The following PAH variants were observed in gnomAD, a reference collection of about 807,000 sequenced individuals.
The protein encoded by PAH is phenylalanine-4-hydroxylase.
Under a neutral mutation model 62.0 loss-of-function variants are expected in PAH, and 64 were observed. That is an observed-to-expected ratio of 1.03 (90% confidence interval 0.84 to 1.27). The LOEUF (loss-of-function observed/expected upper bound fraction) is 1.27, where lower values mean the gene tolerates loss of function less well. Among genes scored for constraint, PAH ranks in the 50% most tolerant of loss-of-function variants. PAH has a pLI of 0.00. For missense variants in PAH, 579 were observed against 542.8 expected (o/e 1.07, Z -0.66); for synonymous variants, 195 against 196.2 (o/e 0.99, Z 0.05).
At position 102,917,109 on chromosome 12, in the gene PAH, T is replaced by C. The variant is rs763623193; in HGVS notation, c.22A>G (p.Asn8Asp). The change falls in exon 1 of 13, where the codon AAC becomes GAC. Residue 8 changes from asparagine to aspartate, a missense_variant. Asn to Asp is a conservative substitution (Grantham distance 23). Coordinates refer to ENST00000553106, the MANE Select transcript of PAH (RefSeq NM_000277.3). Reference sequence around the variant, plus strand: ...GAGAGTTTCCTGCCCAAGCCTGGGTTTTCCAGGACCGCAGTGGACATGCTG... The same window carrying C: ...GAGAGTTTCCTGCCCAAGCCTGGGTCTTCCAGGACCGCAGTGGACATGCTG... MSTAVLENPGLGRKLSDF... is the reference protein window; with the variant it reads MSTAVLEDPGLGRKLSDF... The C allele has an allele frequency of 1.9e-6, 3 of 1,614,060 alleles. No homozygotes were observed. In the Admixed American group the frequency reaches 5.0e-5, roughly 27 times the overall value.
At chr12:102,888,173 C>G (rs1003081249) in intron 3 of PAH, among the ~76,000 whole-genome samples, 1 of 152,014 alleles carries the variant, frequency 6.6e-6, no homozygotes. Flanking sequence ...GCACTTTATG[C>G]AAATTATATC....
chr12:102,943,885 G>C (rs1323971059), intron 1 of PAH, among the ~76,000 whole-genome samples: 1 of 152,128 alleles, frequency 6.6e-6, no homozygotes, highest in Non-Finnish European at 1.5e-5. Flanking sequence ...CTTGAGGTTG[G>C]AGGGTGGGAG....
rs1876052456 is a variant in PAH at position 102,867,872 on chromosome 12, TA to T, written c.442-1210del. ...CTCTATGTATATACATATATAGATG[TA>T]TATATACATGTATATACATATATAG... On this transcript the variant is annotated intron_variant, in intron 4 of 12. Transcript: ENST00000553106. Among the ~76,000 whole-genome samples, 5 of 139,670 alleles carry T rather than the reference TA, an allele frequency of 3.6e-5. 1 individual carries two copies. In the South Asian group the frequency reaches 1.2e-3, roughly 33 times the overall value. 91.6% of individuals were successfully genotyped at this position (139,670 alleles called of 152,430 possible).
intron 3 of PAH, among the ~76,000 whole-genome samples, chr12:102,883,354 G>C (rs1049029293): frequency 6.6e-6 from 1 of 152,156 alleles, no homozygotes; most frequent in African/African-American, 2.4e-5. Flanking sequence ...GCACCACCTT[G>C]ACTCAGGGCT....
At chr12:102,901,788 G>T (rs1317156938) in intron 2 of PAH, among the ~76,000 whole-genome samples, 1 of 152,074 alleles carries the variant, frequency 6.6e-6, no homozygotes, top group Non-Finnish European at 1.5e-5. Flanking sequence ...TACAAAAAAT[G>T]CCCTAAATCA....
intron 4 of PAH, among the ~76,000 whole-genome samples, chr12:102,874,186 G>C (rs1876471665): frequency 6.6e-6 from 1 of 152,162 alleles, no homozygotes; most frequent in Admixed American, 6.5e-5. Flanking sequence ...TTTCCAAGTG[G>C]GGAAATAACA....
At chr12:102,941,291 C>G (rs555553621) in intron 1 of PAH, among the ~76,000 whole-genome samples, 4 of 152,094 alleles carry the variant, frequency 2.6e-5, no homozygotes, top group Non-Finnish European at 5.9e-5. Context: ...ATAATAGGAT[C>G]AAATCTGAAC....
At chr12:102,902,202 A>C (rs1240256674) in intron 2 of PAH, among the ~76,000 whole-genome samples, 1 of 152,220 alleles carries the variant, frequency 6.6e-6, no homozygotes, top group African/African-American at 2.4e-5. Context: ...GAGAATGCAC[A>C]ATGTGAGGGC....
chr12:102,930,106 C>G (rs1294999809), intron 1 of PAH, among the ~76,000 whole-genome samples: 1 of 152,070 alleles, frequency 6.6e-6, no homozygotes, highest in Admixed American at 6.5e-5. Context: ...GATTGCTAAC[C>G]CCATTTTAAA....
In PAH at chr12:102,958,283, C is replaced by T. The variant is rs566432203; in HGVS notation, c.-184G>A. On this transcript the variant is annotated 5_prime_UTR_variant, in exon 1 of 5. Transcript: ENST00000551337. ...CCAAGATGGAGAGCGGCGGCGCCGG[C>T]CAGCAGCCCCAGCCGCAGCCCCAGC... The T allele has an allele frequency of 1.5e-4, 226 of 1,476,040 alleles. 4 individuals carry two copies. In the East Asian group the frequency reaches 3.1e-3, roughly 20 times the overall value. 91.4% of individuals were successfully genotyped at this position (1,476,040 alleles called of 1,614,324 possible). A position where few individuals can be genotyped will look rare whatever the true frequency, so the allele number is the denominator to read the frequency against.
At chr12:102,882,938 G>A (rs1876883580) in intron 3 of PAH, among the ~76,000 whole-genome samples, 1 of 151,972 alleles carries the variant, frequency 6.6e-6, no homozygotes, top group Non-Finnish European at 1.5e-5. Flanking sequence ...CCATTAATAT[G>A]ACAAAGATTT....
At chr12:102,841,400 G>A (rs532211747) in intron 11 of PAH, among the ~76,000 whole-genome samples, 1 of 152,284 alleles carries the variant, frequency 6.6e-6, no homozygotes, top group South Asian at 2.1e-4. Context: ...GGACCTCCAA[G>A]TTTGGCAAGA....
intron 1 of PAH, among the ~76,000 whole-genome samples, chr12:102,922,832 G>C (rs2136740636): frequency 6.6e-6 from 1 of 152,218 alleles, no homozygotes; most frequent in East Asian, 1.9e-4. Flanking sequence ...CCCTTTAGAG[G>C]ATGACCATAT....
chr12:102,928,034 AAG>A (rs1403403878), intron 1 of PAH, among the ~76,000 whole-genome samples: 1 of 152,192 alleles, frequency 6.6e-6, no homozygotes, highest in Non-Finnish European at 1.5e-5. Flanking sequence ...TCCTTCTGGA[AAG>A]AGAGAGAAAC....
In PAH at chr12:102,876,482, C is replaced by T. The variant is rs567353140; in HGVS notation, c.441+980G>A. ...CTTTGCCTCCTGAAAAGCGCCTTTG[C>T]GAACATTCTTTGCTGATTATAAAGA... is the stretch of plus-strand genomic sequence containing the variant. On this transcript the variant is annotated intron_variant, in intron 4 of 12. Transcript: ENST00000553106. Among the ~76,000 whole-genome samples the T allele has an allele frequency of 1.4e-4, 22 of 152,314 alleles. No homozygotes were observed. The South Asian group carries it at 1.7e-3, about 11-fold the overall frequency.
At chr12:102,880,391 C>A (rs916627761) in intron 3 of PAH, among the ~76,000 whole-genome samples, 4 of 152,136 alleles carry the variant, frequency 2.6e-5, no homozygotes, top group Admixed American at 6.6e-5. Context: ...GACATTGCCA[C>A]CAAGGGGTTT....
At chr12:102,925,967 T>G (rs1021502940) in intron 1 of PAH, among the ~76,000 whole-genome samples, 1 of 152,122 alleles carries the variant, frequency 6.6e-6, no homozygotes, top group African/African-American at 2.4e-5. Context: ...GAGCATCCCT[T>G]CTCGGCAACA....
intron 1 of PAH, among the ~76,000 whole-genome samples, chr12:102,937,492 A>G (rs1364781228): frequency 2.0e-5 from 3 of 152,130 alleles, no homozygotes; most frequent in Admixed American, 2.0e-4. Flanking sequence ...ATTTAATCCG[A>G]TGACAACTTA....
At chr12:102,951,895 T>G (rs559052152), upstream of PAH, among the ~76,000 whole-genome samples, 79 of 152,282 alleles carry the variant, frequency 5.2e-4, no homozygotes, top group Non-Finnish European at 9.1e-4. Context: ...ATTGCTTTTT[T>G]TGTGTGTGTG....
Sources: allele counts gnomAD v4.1 joint callset (sites outside exome capture counted in the v4.1 genomes callset), GRCh38; gene constraint gnomAD v4.1.1; transcripts MANE v1.5; gene names NCBI Gene and HGNC (gene_info 2026-07-23, HGNC 2026-07-21).